GABBR2: variants seen among roughly 807,000 people sequenced by gnomAD.
GABBR2 encodes the protein G-protein coupled receptor 51.
GABBR2 carries 23 observed loss-of-function variants against 105.6 expected under a neutral mutation model. That is an observed-to-expected ratio of 0.22 (90% confidence interval 0.16 to 0.31). GABBR2 has a LOEUF of 0.31. Among genes scored for constraint, GABBR2 ranks in the 10% least tolerant of loss-of-function variants. GABBR2 has a pLI of 1.00. For missense variants in GABBR2, 734 were observed against 1,245.5 expected (o/e 0.59, Z 6.18); for synonymous variants, 478 against 499.7 (o/e 0.96, Z 0.58).
At chr9:98,645,596 C>T (rs927633458) in intron 1 of GABBR2, among the ~76,000 whole-genome samples, 4 of 152,176 alleles carry the variant, frequency 2.6e-5, no homozygotes, top group African/African-American at 9.7e-5. Context: ...AGTCCCCACC[C>T]CACCCCTAAG....
intron 14 of GABBR2, among the ~76,000 whole-genome samples, chr9:98,307,184 C>T (rs1790398697): frequency 6.6e-6 from 1 of 152,188 alleles, no homozygotes; most frequent in African/African-American, 2.4e-5. Flanking sequence ...GTCTCTTCAA[C>T]CATTATTATT....
chr9:98,576,941 T>TGGATGGATGGAA (rs1828918801), intron 2 of GABBR2, among the ~76,000 whole-genome samples: 1 of 150,868 alleles, frequency 6.6e-6, no homozygotes, highest in Non-Finnish European at 1.5e-5. Flanking sequence ...GATGGATGGA[T>TGGATGGATGGAA]GGATGGATGG....
In GABBR2 at chr9:98,436,343, C is replaced by T. The variant is rs1488908055; in HGVS notation, c.1236+17638G>A. On this transcript the variant is annotated intron_variant, in intron 7 of 18. Coordinates refer to ENST00000259455, the MANE Select transcript of GABBR2 (RefSeq NM_005458.8). ...ATATATATATATATACACACACACA[C>T]ACACCATATATATATATATATATAT... Among the ~76,000 whole-genome samples the T allele has an allele frequency of 1.7e-3, 101 of 60,918 alleles. 8 individuals carry two copies. Among genetic ancestry groups the T allele is most frequent in the East Asian group, 6.6e-3 (6 of 916 alleles). The allele number at this position is 60,918 out of a possible 152,430, so 40.0% of individuals were successfully genotyped here.
chr9:98,484,447 G>T (rs1219007100), intron 4 of GABBR2, among the ~76,000 whole-genome samples: 1 of 152,178 alleles, frequency 6.6e-6, no homozygotes. Context: ...CATGCCTGCT[G>T]CAGGAAGCTG....
At chr9:98,339,486 T>C (rs1831172367) in intron 13 of GABBR2, among the ~76,000 whole-genome samples, 1 of 152,130 alleles carries the variant, frequency 6.6e-6, no homozygotes, top group South Asian at 2.1e-4. Flanking sequence ...GCACCACCTG[T>C]AGCCTTGCCT....
intron 5 of GABBR2, among the ~76,000 whole-genome samples, chr9:98,475,346 T>TAAAAA (rs970234599): frequency 2.1e-5 from 3 of 141,762 alleles, no homozygotes; most frequent in Admixed American, 1.4e-4. Context: ...ACAGAAACTT[T>TAAAAA]AAAAAAAAAA....
chr9:98,473,234 C>T lies in GABBR2; in HGVS notation c.911G>A (p.Arg304Gln), dbSNP rs766347577. Residue 304 changes from arginine to glutamine, a missense_variant, in exon 6 of 19, where the codon CGG becomes CAG. Physicochemically the swap from Arg to Gln is conservative, Grantham distance 43 (BLOSUM62 1). Around this residue, in one of 7 missense-constraint regions of GABBR2, gnomAD observed 370 missense variants for 648.9 expected, o/e 0.57. Coordinates refer to ENST00000259455, the MANE Select transcript of GABBR2 (RefSeq NM_005458.8). ...CTCCATGGCAGCAAGCAGATTCTTC[C>T]GGAGGCAGCGGGATGAGTTGGCTTC... Reference protein sequence around the residue: ...HTEANSSRCLRKNLLAAMEGY... With the variant: ...HTEANSSRCLQKNLLAAMEGY... 7.1e-5 allele frequency: 114 copies of T among 1,613,694 alleles called. No individual in the cohort carries two copies. Among genetic ancestry groups the T allele is most frequent in the Non-Finnish European group, 8.4e-5 (99 of 1,179,960 alleles).
At chr9:98,290,932 T>G (rs1319110512) in intron 18 of GABBR2, among the ~76,000 whole-genome samples, 183 bp from the exon 19 acceptor site, 1 of 152,200 alleles carries the variant, frequency 6.6e-6, no homozygotes, top group Admixed American at 6.5e-5. Flanking sequence ...AGGGCCCATA[T>G]GTACCAGCTA....
At chr9:98,563,852 T>TAG in intron 2 of GABBR2, among the ~76,000 whole-genome samples, 1 of 152,152 alleles carries the variant, frequency 6.6e-6, no homozygotes, top group East Asian at 1.9e-4. Context: ...AGCAAAAGCC[T>TAG]TCTGTATAAT....
At chr9:98,466,652 T>G (rs1482709039) in intron 6 of GABBR2, among the ~76,000 whole-genome samples, 1 of 152,202 alleles carries the variant, frequency 6.6e-6, no homozygotes, top group Non-Finnish European at 1.5e-5. Flanking sequence ...ATCTAATCCT[T>G]ACAAATCTGT....
rs956228957 is a variant in GABBR2 at position 98,404,013 on chromosome 9, A to C, written c.1297+2068T>G. Among the ~76,000 whole-genome samples the C allele has an allele frequency of 5.3e-5, 8 of 152,194 alleles. No homozygotes were observed. In the East Asian group the frequency reaches 1.5e-3, roughly 29 times the overall value. Reference sequence around the variant, plus strand: ...TGTTTGCTGTACTGCCTTCCTTATAAATCCAGATATGCCTAAATAGTGACT... The same window carrying C: ...TGTTTGCTGTACTGCCTTCCTTATACATCCAGATATGCCTAAATAGTGACT... On this transcript the variant is annotated intron_variant, in intron 8 of 18. Transcript: ENST00000259455.
Position 98,454,227 on chromosome 9 carries a change from C to A in GABBR2, c.1000-10G>T. On this transcript the variant is annotated splice_polypyrimidine_tract_variant and intron_variant, in intron 6 of 18. Coordinates refer to ENST00000259455, the MANE Select transcript of GABBR2 (RefSeq NM_005458.8). This position sits in a 1 kb window ranked among gnomAD's most constrained non-coding sequence, Gnocchi z 4.6. ...CATACTGCTGTGGAGTCTGGAAAAA[C>A]AGGGGATTGGGGGAATCCCAAGTTA... 1 of 1,588,384 alleles carries A rather than the reference C, an allele frequency of 6.3e-7. No individual in the cohort carries two copies. Among genetic ancestry groups the A allele is most frequent in the Non-Finnish European group, 8.6e-7 (1 of 1,156,618 alleles).
At chr9:98,685,406 T>C (rs1003674396) in intron 1 of GABBR2, among the ~76,000 whole-genome samples, 4 of 152,250 alleles carry the variant, frequency 2.6e-5, no homozygotes, top group South Asian at 2.1e-4. Flanking sequence ...TGTGAGTCAA[T>C]AGTCCTTAAT....
intron 11 of GABBR2, among the ~76,000 whole-genome samples, chr9:98,381,987 C>T (rs925805669): frequency 6.6e-6 from 1 of 152,122 alleles, no homozygotes; most frequent in Non-Finnish European, 1.5e-5. Context: ...GAGAAAGCAC[C>T]TGTGCTTTCA....
chr9:98,418,651 C>T (rs2131550787), intron 7 of GABBR2, among the ~76,000 whole-genome samples: 1 of 152,274 alleles, frequency 6.6e-6, no homozygotes, highest in South Asian at 2.1e-4. Flanking sequence ...ATCAACAAGC[C>T]TTAAAGATAC....
chr9:98,531,371 C>A (rs536696894), intron 3 of GABBR2, among the ~76,000 whole-genome samples: 87 of 152,340 alleles, frequency 5.7e-4, no homozygotes, highest in Non-Finnish European at 8.4e-4. Flanking sequence ...GGACAGCCAT[C>A]TTCTCTCTGC....
intron 1 of GABBR2, among the ~76,000 whole-genome samples, chr9:98,662,226 G>A (rs939282266): frequency 7.2e-5 from 11 of 152,254 alleles, no homozygotes; most frequent in African/African-American, 1.9e-4. Flanking sequence ...GTTGGTGGTC[G>A]GTGGGACACT....
At chr9:98,332,478 C>T (rs1176816114) in intron 13 of GABBR2, among the ~76,000 whole-genome samples, 1 of 152,144 alleles carries the variant, frequency 6.6e-6, no homozygotes, top group East Asian at 1.9e-4. Context: ...GAATGAACTT[C>T]CCCTATGGGC....
intron 1 of GABBR2, among the ~76,000 whole-genome samples, chr9:98,645,046 C>T (rs924169376): frequency 4.6e-5 from 7 of 152,224 alleles, no homozygotes; most frequent in South Asian, 2.1e-4. Flanking sequence ...GTGAGGCACA[C>T]GCTGACAAGA....
Sources: gnomAD v4.1 joint callset for allele counts (sites outside exome capture counted in the v4.1 genomes callset) on GRCh38, gnomAD v4.1.1 for gene constraint, gnomAD v4.1.1 regional missense constraint, Gnocchi (gnomAD v3.1) non-coding constraint, MANE v1.5 for transcripts, NCBI Gene and HGNC (gene_info 2026-07-23, HGNC 2026-07-21) for gene names.